CNTN3: variants seen among roughly 807,000 people sequenced by gnomAD.
The protein encoded by CNTN3 is contactin 3.
Under a neutral mutation model 119.1 loss-of-function variants are expected in CNTN3, and 60 were observed. The ratio of observed to expected loss-of-function variants is 0.50; its 90% CI spans 0.41 to 0.62. The LOEUF is 0.62. Ranked by LOEUF, CNTN3 falls within the 20% of genes least tolerant of loss-of-function variation. CNTN3 has a pLI of 0.00. For synonymous variants in CNTN3, 450 were observed against 438.7 expected (o/e 1.03, Z -0.32); for missense variants, 1,101 against 1,242.4 (o/e 0.89, Z 1.71).
chr3:74,504,495 T>C (rs944089892), intron 2 of CNTN3, among the ~76,000 whole-genome samples: 18 of 152,334 alleles, frequency 1.2e-4, no homozygotes, highest in African/African-American at 4.1e-4. Flanking sequence ...TCTTCTATTT[T>C]GGCAATGGTA....
At chr3:74,376,608 T>C (rs887220755) in intron 5 of CNTN3, among the ~76,000 whole-genome samples, 1 of 152,150 alleles carries the variant, frequency 6.6e-6, no homozygotes, top group Non-Finnish European at 1.5e-5. Flanking sequence ...TGTATAATTA[T>C]TATATATTAC....
intron 1 of CNTN3, among the ~76,000 whole-genome samples, chr3:74,590,531 G>A (rs775301951): frequency 4.6e-5 from 7 of 151,828 alleles, no homozygotes; most frequent in Non-Finnish European, 1.0e-4. Context: ...AGCTCTTGGA[G>A]CTCCTATCAC....
intron 19 of CNTN3, 134 bp from the exon 20 acceptor site, chr3:74,285,625 G>A (rs1702095279): frequency 3.7e-6 from 3 of 820,766 alleles, no homozygotes; most frequent in Non-Finnish European, 5.7e-6. Flanking sequence ...CCTACTATGT[G>A]CTAGGTGCTG....
At chr3:74,342,079 A>T (rs1575738606) in intron 11 of CNTN3, among the ~76,000 whole-genome samples, 1 of 152,280 alleles carries the variant, frequency 6.6e-6, no homozygotes, top group East Asian at 1.9e-4. Context: ...CTTACATTAC[A>T]TGTAAGACAA....
chr3:74,338,882 AAAAAC>A (rs772971140), intron 11 of CNTN3, among the ~76,000 whole-genome samples: 1 of 152,150 alleles, frequency 6.6e-6, no homozygotes, highest in African/African-American at 2.4e-5. Context: ...CCTAGGAATT[AAAAAC>A]AAAACAAAAC....
chr3:74,423,997 T>C (rs186370105), intron 5 of CNTN3, among the ~76,000 whole-genome samples: 5 of 152,208 alleles, frequency 3.3e-5, no homozygotes, highest in African/African-American at 4.8e-5. Context: ...TTTACTGTAA[T>C]GAGAAGCAGA....
chr3:74,344,833 T>C (rs78315255), intron 11 of CNTN3, among the ~76,000 whole-genome samples: 4,871 of 151,830 alleles, frequency 0.032, 266 homozygotes, highest in African/African-American at 0.11. Flanking sequence ...AATCTCTCTG[T>C]AGAACAAATG....
chr3:74,403,649 GT>G (rs1705252876), intron 5 of CNTN3, among the ~76,000 whole-genome samples: 1 of 152,074 alleles, frequency 6.6e-6, no homozygotes, highest in Admixed American at 6.6e-5. Context: ...TAAATTTTCA[GT>G]TTTAAATTTT....
At chr3:74,301,340 G>T in intron 16 of CNTN3, 58 bp downstream of exon 16, 1 of 1,555,830 alleles carries the variant, frequency 6.4e-7, no homozygotes, top group Non-Finnish European at 8.7e-7. Flanking sequence ...TCAGGGCCAA[G>T]GGAAATGGAA....
chr3:74,474,135 T>A (rs1702613054), intron 4 of CNTN3, among the ~76,000 whole-genome samples: 1 of 152,122 alleles, frequency 6.6e-6, no homozygotes, highest in Admixed American at 6.5e-5. Flanking sequence ...CTGACTCTCA[T>A]TCACAGGTGG....
intron 5 of CNTN3, among the ~76,000 whole-genome samples, chr3:74,391,821 C>G (rs1267455189): frequency 6.6e-6 from 1 of 152,042 alleles, no homozygotes; most frequent in Non-Finnish European, 1.5e-5. Context: ...CCACGCCCGG[C>G]TAATTTTTTG....
intron 13 of CNTN3, among the ~76,000 whole-genome samples, chr3:74,320,955 A>T (rs1702974269): frequency 6.6e-6 from 1 of 152,162 alleles, no homozygotes; most frequent in Non-Finnish European, 1.5e-5. Flanking sequence ...AATTGAAAAA[A>T]AAAAAAGAAT....
chr3:74,317,250 T>C (rs1205355060), intron 13 of CNTN3, among the ~76,000 whole-genome samples: 1 of 150,046 alleles, frequency 6.7e-6, no homozygotes, highest in Non-Finnish European at 1.5e-5. Context: ...TGAGATGGGT[T>C]TCCTGAATAC....
intron 22 of CNTN3, 58 bp from the exon 23 acceptor site, chr3:74,264,559 G>T: frequency 1.8e-6 from 2 of 1,132,472 alleles, no homozygotes; most frequent in African/African-American, 1.6e-5. Context: ...TAATCAGGGT[G>T]CTAGAGACTG....
intron 11 of CNTN3, among the ~76,000 whole-genome samples, chr3:74,341,429 C>CG (rs1261482415): frequency 8.5e-5 from 13 of 152,102 alleles, no homozygotes; most frequent in African/African-American, 2.7e-4. Flanking sequence ...TGGCACAAAA[C>CG]GTTAAAAAAC....
intron 1 of CNTN3, among the ~76,000 whole-genome samples, chr3:74,572,505 T>C (rs571138134): frequency 3.6e-4 from 54 of 151,922 alleles, no homozygotes; most frequent in Non-Finnish European, 6.6e-4. Flanking sequence ...AAATATAATG[T>C]TAAAAGAAAA....
At chr3:74,472,271 A>G (rs575512418) in intron 4 of CNTN3, among the ~76,000 whole-genome samples, 311 of 152,290 alleles carry the variant, frequency 2.0e-3, no homozygotes, top group Non-Finnish European at 3.8e-3. Context: ...GAGAAAATTG[A>G]TTAGGAAACA....
intron 4 of CNTN3, among the ~76,000 whole-genome samples, chr3:74,462,688 T>C (rs111705891): frequency 7.0e-4 from 106 of 152,208 alleles, no homozygotes; most frequent in African/African-American, 2.5e-3. Flanking sequence ...TTGTCCTCTA[T>C]TGATATTAAA....
chr3:74,466,178 G>C (rs996243451), intron 4 of CNTN3, among the ~76,000 whole-genome samples: 1 of 152,132 alleles, frequency 6.6e-6, no homozygotes, highest in Admixed American at 6.5e-5. Flanking sequence ...AGTTTAGTGG[G>C]AGGGCAAGTG....
Sources: allele counts gnomAD v4.1 joint callset (sites outside exome capture counted in the v4.1 genomes callset), GRCh38; gene constraint gnomAD v4.1.1; transcripts MANE v1.5; gene names NCBI Gene and HGNC (gene_info 2026-07-23, HGNC 2026-07-21).